The following DOCK1 variants were observed in gnomAD, a reference collection of about 807,000 sequenced individuals.
DOCK1 encodes the protein dedicator of cytokinesis 1.
Under a neutral mutation model 262.7 loss-of-function variants are expected in DOCK1, and 138 were observed. The observed-to-expected ratio is 0.53, with a 90% CI of 0.46 to 0.61. The LOEUF (loss-of-function observed/expected upper bound fraction) is 0.61, where lower values mean the gene tolerates loss of function less well. Among genes scored for constraint, DOCK1 ranks in the 20% least tolerant of loss-of-function variants. The pLI, the probability that DOCK1 is intolerant of heterozygous loss-of-function variation, is 0.00. For synonymous variants in DOCK1, 866 were observed against 867.4 expected (o/e 1.00, Z 0.03); for missense variants, 1,908 against 2,370.7 (o/e 0.80, Z 4.05).
chr10:127,349,269 C>G (rs1192230647), intron 31 of DOCK1, among the ~76,000 whole-genome samples: 1 of 152,004 alleles, frequency 6.6e-6, no homozygotes, highest in Admixed American at 6.6e-5. Flanking sequence ...TCAGCCAGGT[C>G]CTGGCTGCCC....
At chr10:127,024,587 C>G in intron 14 of DOCK1, 98 bp from the exon 15 acceptor site, 1 of 1,016,654 alleles carries the variant, frequency 9.8e-7, no homozygotes, top group Non-Finnish European at 1.4e-6. Flanking sequence ...TGTTGGTGTT[C>G]TTGGAGCGTA....
In DOCK1 at chr10:127,446,717, C is replaced by T. The variant is rs1931745; in HGVS notation, c.5414-677C>T. On this transcript the variant is annotated intron_variant, in intron 50 of 51. Transcript: ENST00000623213. The surrounding 1 kb of genome is among the most constrained non-coding windows in gnomAD (Gnocchi z 4.4). ...TTTAATATAAAAGAAAACAAATTAT[C>T]TTTAAGAGTCTCAACAAGGTTTGAG... Among the ~76,000 whole-genome samples the T allele has an allele frequency of 0.54, 82,171 of 152,070 alleles. 22,807 individuals are homozygous for T. Among genetic ancestry groups the T allele is most frequent in the African/African-American group, 0.67 (27,859 of 41,482 alleles).
chr10:127,313,398 C>T (rs1590394378), intron 29 of DOCK1, among the ~76,000 whole-genome samples: 1 of 152,206 alleles, frequency 6.6e-6, no homozygotes, highest in Admixed American at 6.5e-5. Context: ...CTGCTTGGTA[C>T]CTTCCACTAC....
chr10:127,216,469 T>C (rs577750346), intron 27 of DOCK1, among the ~76,000 whole-genome samples: 1 of 152,266 alleles, frequency 6.6e-6, no homozygotes, highest in African/African-American at 2.4e-5. Context: ...GTGGAATTCT[T>C]TCTGAGCTAG....
chr10:127,069,646 C>T lies in DOCK1; in HGVS notation c.2445+7870C>T, dbSNP rs118143109. Among the ~76,000 whole-genome samples the T allele has an allele frequency of 2.7e-3, 404 of 152,116 alleles. 2 individuals carry two copies. The highest frequency in any genetic ancestry group is 4.7e-3 in the Non-Finnish European group (319 of 68,006). On this transcript the variant is annotated intron_variant, in intron 23 of 51. Coordinates refer to ENST00000623213, the MANE Select transcript of DOCK1 (RefSeq NM_001290223.2). Reference sequence around the variant, plus strand: ...CAGATGCGGTGGTTTGAATGAGGACCGTCTAGGTCACATTGTCTGTATGGA... The same window carrying T: ...CAGATGCGGTGGTTTGAATGAGGACTGTCTAGGTCACATTGTCTGTATGGA...
intron 2 of DOCK1, among the ~76,000 whole-genome samples, chr10:126,974,649 C>T (rs563539221): frequency 1.1e-4 from 17 of 152,260 alleles, no homozygotes; most frequent in Middle Eastern, 6.8e-3. Flanking sequence ...TCTTACTCTC[C>T]GGTGCAAAAC....
At chr10:127,228,832 G>A (rs72836419) in intron 27 of DOCK1, among the ~76,000 whole-genome samples, 7,522 of 152,148 alleles carry the variant, frequency 0.049, 274 homozygotes, top group Non-Finnish European at 0.064. Context: ...TATGATGTAC[G>A]ACATGATGTT....
intron 51 of DOCK1, among the ~76,000 whole-genome samples, chr10:127,450,640 A>C (rs1261069956): frequency 6.6e-6 from 1 of 152,196 alleles, no homozygotes; most frequent in Non-Finnish European, 1.5e-5. Flanking sequence ...AGCTGCCCTC[A>C]GTCATAACAC....
chr10:127,158,687 A>G (rs1445401043), intron 27 of DOCK1, among the ~76,000 whole-genome samples: 1 of 152,202 alleles, frequency 6.6e-6, no homozygotes, highest in Non-Finnish European at 1.5e-5. Context: ...ATAAATTGTG[A>G]AAAGTTCTAG....
intron 28 of DOCK1, among the ~76,000 whole-genome samples, chr10:127,250,395 A>T (rs74610255): frequency 0.06 from 9,163 of 152,258 alleles, 347 homozygotes; most frequent in Non-Finnish European, 0.088. Context: ...CCAGGATCAG[A>T]TGTTTACTGT....
chr10:127,451,743 A>G lies in DOCK1; in HGVS notation c.*316A>G, dbSNP rs564558910. 9 of 391,478 alleles carry G rather than the reference A, an allele frequency of 2.3e-5. No individual in the cohort carries two copies. The highest frequency in any genetic ancestry group is 3.6e-5 in the Non-Finnish European group (8 of 221,648). The allele number at this position is 391,478 out of a possible 1,614,324, so 24.3% of individuals were successfully genotyped here. On this transcript the variant is annotated 3_prime_UTR_variant, in exon 52 of 52. Transcript: ENST00000623213. ...ACATTCTTTCTTTTTGTGCCAAATG[A>G]CTTGCATTTGCAAAGAGCTCAATTG...
chr10:127,400,038 G>A (rs1057489169), intron 38 of DOCK1, among the ~76,000 whole-genome samples: 13 of 152,158 alleles, frequency 8.5e-5, no homozygotes, highest in South Asian at 4.1e-4. Flanking sequence ...AGCAGGGACC[G>A]TAGGCAGGAT....
chr10:127,326,888 C>G (rs1363001810), intron 29 of DOCK1, among the ~76,000 whole-genome samples: 1 of 152,212 alleles, frequency 6.6e-6, no homozygotes, highest in Non-Finnish European at 1.5e-5. Flanking sequence ...ACATTCACCT[C>G]CTTGTACATC....
chr10:127,228,705 C>G (rs2058730053), intron 27 of DOCK1, among the ~76,000 whole-genome samples: 2 of 152,134 alleles, frequency 1.3e-5, no homozygotes, highest in Admixed American at 6.5e-5. Flanking sequence ...AAACGCAAAG[C>G]CATGTGTTTT....
chr10:127,204,664 C>A (rs924982456), intron 27 of DOCK1, among the ~76,000 whole-genome samples: 7 of 152,164 alleles, frequency 4.6e-5, no homozygotes, highest in Non-Finnish European at 7.3e-5. Context: ...TCCCACAGAT[C>A]TGTTACTCAG....
chr10:127,142,924 A>G (rs2051408238), intron 27 of DOCK1, among the ~76,000 whole-genome samples: 1 of 152,218 alleles, frequency 6.6e-6, no homozygotes, highest in African/African-American at 2.4e-5. Context: ...ATTTCCAAAG[A>G]AAGAAGAATC....
intron 38 of DOCK1, among the ~76,000 whole-genome samples, chr10:127,388,755 T>C (rs2066285817): frequency 6.6e-6 from 1 of 152,174 alleles, no homozygotes; most frequent in South Asian, 2.1e-4. Flanking sequence ...AGTGTTCATG[T>C]CATTGGCTGA....
chr10:127,056,584 G>A (rs773952317), intron 22 of DOCK1, among the ~76,000 whole-genome samples: 1 of 151,350 alleles, frequency 6.6e-6, no homozygotes, highest in Non-Finnish European at 1.5e-5. Flanking sequence ...TCCTCGCTTC[G>A]TTCTTTCCTC....
intron 21 of DOCK1, among the ~76,000 whole-genome samples, chr10:127,050,245 C>T (rs1017125531): frequency 5.3e-5 from 8 of 150,582 alleles, no homozygotes; most frequent in Non-Finnish European, 1.2e-4. Context: ...TAGATATTTC[C>T]AATATAATAG....
Sources: allele counts gnomAD v4.1 joint callset (sites outside exome capture counted in the v4.1 genomes callset), GRCh38; gene constraint gnomAD v4.1.1; non-coding constraint Gnocchi (gnomAD v3.1); transcripts MANE v1.5; gene names NCBI Gene and HGNC (gene_info 2026-07-23, HGNC 2026-07-21).